The following UGT2A2 variants were observed in gnomAD, a reference collection of about 807,000 sequenced individuals.
UGT2A2 encodes the protein UDP-glucuronosyltransferase 2A2.
Under a neutral mutation model 50.7 loss-of-function variants are expected in UGT2A2, and 60 were observed. That is an observed-to-expected ratio of 1.18 (90% CI 0.96 to 1.47). The LOEUF (loss-of-function observed/expected upper bound fraction) is 1.47, where lower values mean the gene tolerates loss of function less well. Among genes scored for constraint, UGT2A2 ranks in the 40% most tolerant of loss-of-function variants. The pLI is 0.00. For synonymous variants in UGT2A2, 242 were observed against 214.6 expected (o/e 1.13, Z -1.11); for missense variants, 762 against 634.0 (o/e 1.20, Z -2.17).
At chr4:69,624,693 G>A (rs193259520) in intron 1 of UGT2A2, among the ~76,000 whole-genome samples, 28 of 151,154 alleles carry the variant, frequency 1.9e-4, no homozygotes, top group East Asian at 1.4e-3. Context: ...ACAACTTTAC[G>A]ACAGTATACT....
At chr4:69,597,299 C>T (rs189772547) in intron 2 of UGT2A2, among the ~76,000 whole-genome samples, 197 of 152,252 alleles carry the variant, frequency 1.3e-3, no homozygotes, top group Non-Finnish European at 1.9e-3. Flanking sequence ...TCTCTTTCTT[C>T]TTGATGTATA....
At chr4:69,593,897 C>T (rs962291899) in intron 5 of UGT2A2, among the ~76,000 whole-genome samples, 2 of 150,384 alleles carry the variant, frequency 1.3e-5, no homozygotes, top group African/African-American at 4.9e-5. Flanking sequence ...GCAGATTATC[C>T]AGAAAAAATG....
chr4:69,591,323 T>C (rs1560464743), intron 5 of UGT2A2, among the ~76,000 whole-genome samples: 1 of 152,104 alleles, frequency 6.6e-6, no homozygotes, highest in African/African-American at 2.4e-5. Flanking sequence ...ATACATTGGT[T>C]TGGTTTAGAA....
chr4:69,597,838 C>T (rs1719030360), intron 2 of UGT2A2, among the ~76,000 whole-genome samples: 2 of 152,058 alleles, frequency 1.3e-5, no homozygotes, highest in Admixed American at 6.6e-5. Flanking sequence ...CAGTGATTGG[C>T]GTAATTATTT....
rs543250838 is a variant in UGT2A2 at position 69,605,161 on chromosome 4, A to G, written c.743-5767T>C. Among the ~76,000 whole-genome samples, 2 of 137,070 alleles carry G rather than the reference A, an allele frequency of 1.5e-5. 1 individual carries two copies. Among genetic ancestry groups the G allele is most frequent in the South Asian group, 4.8e-4 (2 of 4,182 alleles). 89.9% of individuals were successfully genotyped at this position (137,070 alleles called of 152,430 possible). On this transcript the variant is annotated intron_variant, in intron 1 of 5. Coordinates refer to ENST00000604629, the MANE Select transcript of UGT2A2 (RefSeq NM_001105677.2). ...CCGCACTTATTCCAAAATTGACCAC[A>G]TAGTTGGAAGTAAAGCACTCCTCAG...
chr4:69,596,402 C>A, intron 2 of UGT2A2, 21 bp from the exon 3 acceptor site: 1 of 1,540,586 alleles, frequency 6.5e-7, no homozygotes, highest in Non-Finnish European at 8.8e-7. Flanking sequence ...AATATATTTT[C>A]TATTACAAAG....
At chr4:69,603,352 C>T (rs11733854) in intron 1 of UGT2A2, among the ~76,000 whole-genome samples, 24,950 of 135,628 alleles carry the variant, frequency 0.18, 6,051 homozygotes, top group Non-Finnish European at 0.22. Context: ...AAGATGCAGG[C>T]ATGCAGGAAA....
At chr4:69,618,221 T>TG (rs1720530663) in intron 1 of UGT2A2, among the ~76,000 whole-genome samples, 16 of 144,726 alleles carry the variant, frequency 1.1e-4, no homozygotes, top group African/African-American at 3.1e-4. Flanking sequence ...GTGTGTATGT[T>TG]TGTGTGTGTG....
chr4:69,602,647 T>C (rs1719363670), intron 1 of UGT2A2, among the ~76,000 whole-genome samples: 1 of 137,786 alleles, frequency 7.3e-6, no homozygotes, highest in Non-Finnish European at 1.6e-5. Context: ...AAGATTTAAT[T>C]TAAAAACTAA....
chr4:69,601,380 TC>T (rs1365087175), intron 1 of UGT2A2, among the ~76,000 whole-genome samples: 1 of 151,944 alleles, frequency 6.6e-6, no homozygotes, highest in Non-Finnish European at 1.5e-5. Flanking sequence ...TCCATGCCCT[TC>T]CCCGCCCCCC....
In UGT2A2 at chr4:69,639,370, T is replaced by C; in HGVS notation, c.271A>G (p.Asn91Asp). 6.2e-7 allele frequency: 1 copy of C among 1,613,704 alleles called. No homozygotes were observed. Among genetic ancestry groups the C allele is most frequent in the Non-Finnish European group, 8.5e-7 (1 of 1,179,742 alleles). ...EVIPVSYKKS[N>D]IDSLIEHMIM... Reference sequence around the variant, plus strand: ...ATATGCTCAATTAAGGAATCTATATTGCTCTTCTTGTAGGAAACAGGTATC... The same window carrying C: ...ATATGCTCAATTAAGGAATCTATATCGCTCTTCTTGTAGGAAACAGGTATC... Residue 91 changes from asparagine to aspartate, a missense_variant, in exon 1 of 6, where the codon AAT (asparagine) becomes GAT (aspartate). Physicochemically the swap from Asn to Asp is conservative, Grantham distance 23 (BLOSUM62 1). Transcript: ENST00000604629.
rs559300042 is a variant in UGT2A2 at position 69,623,785 on chromosome 4, AG to A, written c.742+15113del. 2.1e-3 allele frequency among the ~76,000 whole-genome samples: 326 copies of A among 151,682 alleles called. 2 individuals are homozygous for A. Among genetic ancestry groups the A allele is most frequent in the Middle Eastern group, 6.8e-3 (2 of 292 alleles). ...AATTTAAATAAAACCTTTGAGATAA[AG>A]GTAGAAAATTGAGCTTAATGCTTTT... On this transcript the variant is annotated intron_variant, in intron 1 of 5. Coordinates refer to ENST00000604629, the MANE Select transcript of UGT2A2 (RefSeq NM_001105677.2).
chr4:69,608,523 C>A (rs1719823032), intron 1 of UGT2A2, among the ~76,000 whole-genome samples: 1 of 151,322 alleles, frequency 6.6e-6, no homozygotes, highest in Admixed American at 6.6e-5. Flanking sequence ...ATGTAACTAA[C>A]CTGCACGTTG....
At chr4:69,614,340 A>C (rs957536782) in intron 1 of UGT2A2, among the ~76,000 whole-genome samples, 3 of 152,056 alleles carry the variant, frequency 2.0e-5, no homozygotes, top group Non-Finnish European at 1.5e-5. Context: ...AAAAATGAAA[A>C]TGTTTTCTGT....
chr4:69,621,705 T>C (rs1720767382), intron 1 of UGT2A2, among the ~76,000 whole-genome samples: 1 of 152,072 alleles, frequency 6.6e-6, no homozygotes, highest in South Asian at 2.1e-4. Context: ...TGCATGTGAA[T>C]GTTCATTTCA....
chr4:69,600,796 G>T (rs999253722), intron 1 of UGT2A2, among the ~76,000 whole-genome samples: 1 of 140,596 alleles, frequency 7.1e-6, no homozygotes, highest in Non-Finnish European at 1.5e-5. Flanking sequence ...TGAGGGCAAA[G>T]GTGCTATACA....
chr4:69,606,567 G>C (rs1350387381), intron 1 of UGT2A2, among the ~76,000 whole-genome samples: 2 of 136,048 alleles, frequency 1.5e-5, no homozygotes, highest in Non-Finnish European at 3.1e-5. Flanking sequence ...TGGAAGTTCT[G>C]GCCAGTGCAA....
chr4:69,615,710 G>A (rs780241471), intron 1 of UGT2A2, among the ~76,000 whole-genome samples: 7 of 151,798 alleles, frequency 4.6e-5, no homozygotes, highest in Non-Finnish European at 8.8e-5. Context: ...TGACCCCGCC[G>A]CAAAAACAAA....
At chr4:69,615,483 G>T (rs1720324586) in intron 1 of UGT2A2, among the ~76,000 whole-genome samples, 1 of 151,692 alleles carries the variant, frequency 6.6e-6, no homozygotes, top group Admixed American at 6.6e-5. Flanking sequence ...ATCTGACAAG[G>T]GATTGATAAG....
Sources: gnomAD v4.1 joint callset for allele counts (sites outside exome capture counted in the v4.1 genomes callset) on GRCh38, gnomAD v4.1.1 for gene constraint, MANE v1.5 for transcripts, NCBI Gene and HGNC (gene_info 2026-07-23, HGNC 2026-07-21) for gene names.